Variants in SGCZ observed in about 807,000 individuals in gnomAD.
SGCZ encodes the protein sarcoglycan zeta, also known as zeta-sarcoglycan.
A neutral mutation model predicts 41.3 loss-of-function variants in SGCZ; 40 were observed. That is an observed-to-expected ratio of 0.97 (90% CI 0.75 to 1.26). The LOEUF (loss-of-function observed/expected upper bound fraction) is 1.26. Among genes scored for constraint, SGCZ ranks in the 50% most tolerant of loss-of-function variants. The pLI is 0.00. For synonymous variants in SGCZ, 206 were observed against 137.5 expected (o/e 1.50, Z -3.49); for missense variants, 552 against 369.8 (o/e 1.49, Z -4.04).
chr8:14,856,502 T>C lies in SGCZ; in HGVS notation c.40-301576A>G, dbSNP rs114541216. ...TCCACACTCAGCTTGGCAAAGGTTT[T>C]TAAAACTTGGTATGAGTGACTGCTA... is the stretch of plus-strand genomic sequence containing the variant. On this transcript the variant is annotated intron_variant, in intron 1 of 7. Coordinates refer to ENST00000382080, the MANE Select transcript of SGCZ (RefSeq NM_139167.4). Among the ~76,000 whole-genome samples the C allele has an allele frequency of 4.9e-3, 753 of 152,296 alleles. 6 individuals are homozygous for C. Among genetic ancestry groups the C allele is most frequent in the African/African-American group, 0.017 (715 of 41,546 alleles).
intron 1 of SGCZ, among the ~76,000 whole-genome samples, chr8:14,708,222 T>C (rs541684590): frequency 6.6e-6 from 1 of 152,024 alleles, no homozygotes; most frequent in African/African-American, 2.4e-5. Flanking sequence ...AACCCCAGAG[T>C]AGACTATTTT....
intron 1 of SGCZ, among the ~76,000 whole-genome samples, chr8:14,588,404 C>A (rs1805131317): frequency 6.6e-6 from 1 of 151,856 alleles, no homozygotes; most frequent in African/African-American, 2.4e-5. Flanking sequence ...GTAAACACAT[C>A]ATTTGAAAGT....
intron 1 of SGCZ, among the ~76,000 whole-genome samples, chr8:14,803,321 T>C (rs1179352378): frequency 6.6e-6 from 1 of 152,048 alleles, no homozygotes; most frequent in South Asian, 2.1e-4. Flanking sequence ...AGGTACCGGA[T>C]TCATCTCACT....
intron 1 of SGCZ, among the ~76,000 whole-genome samples, chr8:14,617,294 C>T (rs978649588): frequency 2.6e-5 from 4 of 152,090 alleles, no homozygotes; most frequent in African/African-American, 9.7e-5. Context: ...ATTGAACTTA[C>T]ATGTGTGATT....
In SGCZ at chr8:14,289,506, C is replaced by G. The variant is rs1585324258; in HGVS notation, c.336+34597G>C. 3.3e-5 allele frequency among the ~76,000 whole-genome samples: 5 copies of G among 152,154 alleles called. No individual in the cohort carries two copies. In the South Asian group the frequency reaches 1.0e-3, roughly 32 times the overall value. On this transcript the variant is annotated intron_variant, in intron 3 of 7. Coordinates refer to ENST00000382080, the MANE Select transcript of SGCZ (RefSeq NM_139167.4). ...ATGTAAATATCCACTTATCCTACAG[C>G]TTTATGTTGAAGAGACTATGACTTT...
At chr8:14,927,943 C>T (rs1799806933) in intron 1 of SGCZ, among the ~76,000 whole-genome samples, 1 of 152,008 alleles carries the variant, frequency 6.6e-6, no homozygotes, top group African/African-American at 2.4e-5. Flanking sequence ...TTTCAACATC[C>T]CAAGAACCTG....
Position 14,708,650 on chromosome 8 carries a change from A to C in SGCZ, c.40-153724T>G, listed in dbSNP as rs140756168. ...AACAATCAGTTTGAAAAAAATTGAC[A>C]CACCATGCAACATCGTAAATCCAAG... is the stretch of plus-strand genomic sequence containing the variant. On this transcript the variant is annotated intron_variant, in intron 1 of 7. Coordinates refer to ENST00000382080, the MANE Select transcript of SGCZ (RefSeq NM_139167.4). Among the ~76,000 whole-genome samples, 276 of 152,268 alleles carry C rather than the reference A, an allele frequency of 1.8e-3. 3 individuals are homozygous for C. The East Asian group carries it at 0.021, about 11-fold the overall frequency.
At chr8:14,389,245 G>C (rs1428433960) in intron 2 of SGCZ, among the ~76,000 whole-genome samples, 5 of 151,876 alleles carry the variant, frequency 3.3e-5, no homozygotes, top group Non-Finnish European at 7.4e-5. Context: ...AAACGACTGA[G>C]AGTATAATTT....
At chr8:14,679,878 T>C (rs963046111) in intron 1 of SGCZ, among the ~76,000 whole-genome samples, 1 of 149,718 alleles carries the variant, frequency 6.7e-6, no homozygotes, top group African/African-American at 2.4e-5. Context: ...TTTGATACTA[T>C]ATATTTTTTA....
chr8:14,822,893 C>G (rs1295246198), intron 1 of SGCZ, among the ~76,000 whole-genome samples: 2 of 151,816 alleles, frequency 1.3e-5, no homozygotes, highest in East Asian at 3.9e-4. Context: ...ATCTCTACAA[C>G]AAATACAAAA....
chr8:14,639,038 C>CTTTTTTTTTTTTTTTTTTTTTTT (rs148778266), intron 1 of SGCZ, among the ~76,000 whole-genome samples: 2 of 137,614 alleles, frequency 1.5e-5, no homozygotes, highest in Non-Finnish European at 1.6e-5. Flanking sequence ...AAACTGGAAT[C>CTTTTTTTTTTTTTTTTTTTTTTT]TTTTTTTTTT....
intron 3 of SGCZ, among the ~76,000 whole-genome samples, chr8:14,285,404 C>T (rs1195934734): frequency 2.6e-5 from 4 of 152,008 alleles, no homozygotes; most frequent in Non-Finnish European, 5.9e-5. Flanking sequence ...CTTTTTGATA[C>T]GCTCAGCATA....
intron 3 of SGCZ, among the ~76,000 whole-genome samples, chr8:14,282,961 T>C (rs1241125541): frequency 6.8e-6 from 1 of 147,502 alleles, no homozygotes; most frequent in Non-Finnish European, 1.5e-5. Flanking sequence ...GCCATTCTCC[T>C]GCCTCAGCCT....
chr8:14,520,532 A>G (rs1268270300), intron 2 of SGCZ, among the ~76,000 whole-genome samples: 1 of 152,114 alleles, frequency 6.6e-6, no homozygotes, highest in African/African-American at 2.4e-5. Context: ...CTGCAAGGGA[A>G]ATAATATAAA....
chr8:14,743,652 G>A (rs1001683802), intron 1 of SGCZ, among the ~76,000 whole-genome samples: 1 of 151,980 alleles, frequency 6.6e-6, no homozygotes, highest in Admixed American at 6.6e-5. Context: ...GAAAAAGAGT[G>A]AAGATTTCCC....
intron 1 of SGCZ, among the ~76,000 whole-genome samples, chr8:14,806,559 T>A (rs565266997): frequency 3.9e-5 from 6 of 152,272 alleles, no homozygotes; most frequent in South Asian, 4.1e-4. Context: ...AATAGACCAA[T>A]AACAGAATCT....
At chr8:14,315,173 T>C (rs937356084) in intron 3 of SGCZ, among the ~76,000 whole-genome samples, 1 of 152,150 alleles carries the variant, frequency 6.6e-6, no homozygotes, top group African/African-American at 2.4e-5. Context: ...TTATATTTCC[T>C]AAGTCTCCAG....
At chr8:14,816,131 AT>A (rs1801896090) in intron 1 of SGCZ, among the ~76,000 whole-genome samples, 1 of 152,216 alleles carries the variant, frequency 6.6e-6, no homozygotes, top group Admixed American at 6.5e-5. Flanking sequence ...ACATGTTTAC[AT>A]TTTGTATACT....
At chr8:14,214,878 T>TA (rs1805941171) in intron 4 of SGCZ, among the ~76,000 whole-genome samples, 1 of 152,034 alleles carries the variant, frequency 6.6e-6, no homozygotes, top group Admixed American at 6.6e-5. Flanking sequence ...GTAAAAATGA[T>TA]AGAGTTGAGG....
Sources: allele counts gnomAD v4.1 joint callset (sites outside exome capture counted in the v4.1 genomes callset), GRCh38; gene constraint gnomAD v4.1.1; transcripts MANE v1.5; gene names NCBI Gene and HGNC (gene_info 2026-07-23, HGNC 2026-07-21).